The following ZNF407 variants were observed in gnomAD, a reference collection of about 807,000 sequenced individuals.
The protein encoded by ZNF407 is zinc finger protein 407.
Under a neutral mutation model 131.2 loss-of-function variants are expected in ZNF407, and 17 were observed. The observed-to-expected ratio is 0.13, with a 90% CI of 0.09 to 0.19. The LOEUF (loss-of-function observed/expected upper bound fraction) is 0.19. Ranked by LOEUF, ZNF407 falls within the 10% of genes least tolerant of loss-of-function variation. The probability of loss-of-function intolerance (pLI) is 1.00; values close to 1 mark genes in which losing one functional copy is unlikely to be tolerated. For synonymous variants in ZNF407, 1,156 were observed against 1,062.0 expected, an observed-to-expected ratio of 1.09 and a Z score of -1.72; for missense variants, 2,681 against 2,830.6, an observed-to-expected ratio of 0.95 and a Z score of 1.20.
intron 4 of ZNF407, among the ~76,000 whole-genome samples, chr18:74,835,467 A>G (rs1480237970): frequency 6.6e-6 from 1 of 152,170 alleles, no homozygotes; most frequent in Non-Finnish European, 1.5e-5. Flanking sequence ...CTGCTATAAT[A>G]GAATATAAAC....
chr18:74,645,891 T>G (rs1372456122), intron 3 of ZNF407, among the ~76,000 whole-genome samples: 1 of 152,182 alleles, frequency 6.6e-6, no homozygotes, highest in African/African-American at 2.4e-5. Context: ...ACTTAATCAT[T>G]ACGTGCATTA....
chr18:75,018,163 G>A (rs1013763747), intron 8 of ZNF407, among the ~76,000 whole-genome samples: 12 of 151,944 alleles, frequency 7.9e-5, no homozygotes, highest in East Asian at 3.9e-4. Context: ...CTTTATGATC[G>A]AGTATCTGTG....
In ZNF407 at chr18:74,818,470, G is replaced by C. The variant is rs942685226; in HGVS notation, c.4877+36968G>C. ...TACATATATTACACATGCAATATGT[G>C]TTTATTAACCTGAGTTTGATTTTTT... On this transcript the variant is annotated intron_variant, in intron 4 of 8. Coordinates refer to ENST00000299687, the MANE Select transcript of ZNF407 (RefSeq NM_017757.3). 3.3e-5 allele frequency among the ~76,000 whole-genome samples: 5 copies of C among 152,116 alleles called. No individual in the cohort carries two copies. In the South Asian group the frequency reaches 1.0e-3, roughly 32 times the overall value.
At chr18:74,736,758 C>T (rs367885397) in intron 3 of ZNF407, among the ~76,000 whole-genome samples, 9 of 152,028 alleles carry the variant, frequency 5.9e-5, no homozygotes, top group South Asian at 2.1e-4. Flanking sequence ...TTTCTGCAGC[C>T]GATCTAAATA....
At chr18:74,840,553 T>G (rs1289671092) in intron 4 of ZNF407, among the ~76,000 whole-genome samples, 1 of 152,160 alleles carries the variant, frequency 6.6e-6, no homozygotes, top group African/African-American at 2.4e-5. Context: ...TTTATTTTAT[T>G]TTTTGAACAT....
Position 75,060,640 on chromosome 18 carries a change from G to A in ZNF407, c.5429-2510G>A, listed in dbSNP as rs562608926. On this transcript the variant is annotated intron_variant, in intron 8 of 8. Coordinates refer to ENST00000299687, the MANE Select transcript of ZNF407 (RefSeq NM_017757.3). ...CCTGCCTCAGCCTCCCGAGTAGCTG[G>A]GATTACAGGCACCCGCCACCGCGCC... Among the ~76,000 whole-genome samples the A allele has an allele frequency of 4.0e-5, 6 of 151,802 alleles. No homozygotes were observed. The East Asian group carries it at 9.7e-4, about 25-fold the overall frequency.
At chr18:74,762,896 TATG>T (rs1305862032) in intron 3 of ZNF407, among the ~76,000 whole-genome samples, 1 of 152,172 alleles carries the variant, frequency 6.6e-6, no homozygotes, top group Non-Finnish European at 1.5e-5. Flanking sequence ...ATTATGCTGT[TATG>T]ATGAACATTT....
chr18:74,893,060 C>T (rs1349698959), intron 7 of ZNF407, among the ~76,000 whole-genome samples: 1 of 152,112 alleles, frequency 6.6e-6, no homozygotes, highest in Non-Finnish European at 1.5e-5. Flanking sequence ...ATACGTTTTA[C>T]TAAGGTTGAG....
intron 3 of ZNF407, among the ~76,000 whole-genome samples, chr18:74,720,769 C>G (rs948593503): frequency 6.6e-6 from 1 of 151,886 alleles, no homozygotes; most frequent in Non-Finnish European, 1.5e-5. Flanking sequence ...TTCTTGAAGT[C>G]TTTGTCAAAA....
chr18:74,982,826 T>G (rs1412922880), intron 8 of ZNF407, among the ~76,000 whole-genome samples: 3 of 152,256 alleles, frequency 2.0e-5, no homozygotes, highest in Non-Finnish European at 1.5e-5. Context: ...CACTGATAGG[T>G]CTTGTCATTT....
chr18:74,998,553 T>C (rs1358187137), intron 8 of ZNF407, among the ~76,000 whole-genome samples: 1 of 152,100 alleles, frequency 6.6e-6, no homozygotes, highest in Non-Finnish European at 1.5e-5. Flanking sequence ...GAACAGACAC[T>C]TCTCAAAAGA....
chr18:75,003,065 C>T (rs894320350), intron 8 of ZNF407, among the ~76,000 whole-genome samples: 1 of 152,136 alleles, frequency 6.6e-6, no homozygotes, highest in Non-Finnish European at 1.5e-5. Flanking sequence ...TATCTGAAAA[C>T]AGTAGGCATA....
At chr18:74,996,657 G>A (rs1030688183) in intron 8 of ZNF407, among the ~76,000 whole-genome samples, 13 of 152,184 alleles carry the variant, frequency 8.5e-5, no homozygotes, top group Admixed American at 3.9e-4. Flanking sequence ...GTGAGGTTCC[G>A]AATGGACATT....
chr18:74,812,223 A>G (rs1970207285), intron 4 of ZNF407, among the ~76,000 whole-genome samples: 1 of 152,168 alleles, frequency 6.6e-6, no homozygotes, highest in South Asian at 2.1e-4. Flanking sequence ...GATGTCTGGC[A>G]GTAGCTTAGA....
At chr18:74,675,213 T>G (rs749233728) in intron 3 of ZNF407, among the ~76,000 whole-genome samples, 13 of 152,204 alleles carry the variant, frequency 8.5e-5, no homozygotes, top group Non-Finnish European at 1.8e-4. Flanking sequence ...TTGTTAACAT[T>G]TGGGTGTAGG....
In ZNF407 at chr18:74,711,670, T is replaced by G. The variant is rs1352982236; in HGVS notation, c.4803-69758T>G. ...GTTTGTAGTAATTTATTACAGTATT[T>G]CTAATACCATTGTTATCCAAAGTGA... On this transcript the variant is annotated intron_variant, in intron 3 of 8. Coordinates refer to ENST00000299687, the MANE Select transcript of ZNF407 (RefSeq NM_017757.3). 2.6e-5 allele frequency among the ~76,000 whole-genome samples: 4 copies of G among 152,326 alleles called. No homozygotes were observed. In the East Asian group the frequency reaches 5.8e-4, roughly 22 times the overall value.
At chr18:74,708,036 C>A (rs958086171) in intron 3 of ZNF407, among the ~76,000 whole-genome samples, 1 of 152,080 alleles carries the variant, frequency 6.6e-6, no homozygotes, top group Admixed American at 6.6e-5. Context: ...TAAGTTTGAA[C>A]AATTTTCTTG....
At chr18:74,897,798 G>T (rs1425274993) in intron 7 of ZNF407, among the ~76,000 whole-genome samples, 1 of 152,198 alleles carries the variant, frequency 6.6e-6, no homozygotes, top group African/African-American at 2.4e-5. Context: ...AGGAGGAGCT[G>T]ACAGAAGTCA....
intron 5 of ZNF407, among the ~76,000 whole-genome samples, 189 bp downstream of exon 5, chr18:74,877,552 T>G (rs945206239): frequency 1.3e-5 from 2 of 152,252 alleles, no homozygotes; most frequent in African/African-American, 4.8e-5. Flanking sequence ...AAGGCAATTT[T>G]AAAGTGACAT....
Sources: allele counts gnomAD v4.1 joint callset (sites outside exome capture counted in the v4.1 genomes callset), GRCh38; gene constraint gnomAD v4.1.1; transcripts MANE v1.5; gene names NCBI Gene and HGNC (gene_info 2026-07-23, HGNC 2026-07-21).